METTL15: variants seen among roughly 807,000 people sequenced by gnomAD.
The protein encoded by METTL15 is 12S rRNA N(4)-cytidine methyltransferase METTL15.
A neutral mutation model predicts 38.3 loss-of-function variants in METTL15; 34 were observed. That is an observed-to-expected ratio of 0.89 (90% CI 0.68 to 1.18). The LOEUF (loss-of-function observed/expected upper bound fraction) is 1.18, where lower values mean the gene tolerates loss of function less well. METTL15 is among the 50% of genes most tolerant of loss of function. METTL15 has a pLI of 0.00. For synonymous variants in METTL15, 162 were observed against 170.9 expected (o/e 0.95, Z 0.41); for missense variants, 438 against 498.4 (o/e 0.88, Z 1.15).
At chr11:28,247,076 G>T (rs542220105) in intron 4 of METTL15, among the ~76,000 whole-genome samples, 2 of 151,960 alleles carry the variant, frequency 1.3e-5, no homozygotes, top group African/African-American at 4.8e-5. Flanking sequence ...ATTTCTATAT[G>T]CTATATACTA....
At chr11:28,221,560 T>C (rs973540193) in intron 4 of METTL15, among the ~76,000 whole-genome samples, 2 of 152,210 alleles carry the variant, frequency 1.3e-5, no homozygotes, top group Admixed American at 6.5e-5. Flanking sequence ...TTCTCTCAAC[T>C]TGTCAAAGTC....
chr11:28,204,348 C>T (rs551851579), intron 3 of METTL15, among the ~76,000 whole-genome samples: 20 of 150,026 alleles, frequency 1.3e-4, no homozygotes, highest in Non-Finnish European at 2.1e-4. Flanking sequence ...TTAGTGTTGG[C>T]GAGACCTAGT....
intron 4 of METTL15, among the ~76,000 whole-genome samples, chr11:28,249,459 A>G (rs1238629932): frequency 6.6e-6 from 1 of 152,008 alleles, no homozygotes; most frequent in Non-Finnish European, 1.5e-5. Context: ...CTATATTATA[A>G]TATGTAAATA....
At chr11:28,510,105 T>C (rs1590399031) in intron 6 of METTL15, among the ~76,000 whole-genome samples, 1 of 152,188 alleles carries the variant, frequency 6.6e-6, no homozygotes, top group Non-Finnish European at 1.5e-5. Flanking sequence ...GTTAAGCCCA[T>C]TGAAACCTGG....
At chr11:28,178,756 TA>T (rs1565145816) in intron 3 of METTL15, among the ~76,000 whole-genome samples, 2 of 151,858 alleles carry the variant, frequency 1.3e-5, no homozygotes, top group Non-Finnish European at 2.9e-5. Flanking sequence ...TTATTTACAT[TA>T]ATACTTTCAA....
chr11:28,415,744 G>C (rs1850767247), intron 5 of METTL15, among the ~76,000 whole-genome samples: 1 of 152,162 alleles, frequency 6.6e-6, no homozygotes, highest in Non-Finnish European at 1.5e-5. Context: ...ATAGACTTAG[G>C]TATAAGAAAA....
intron 5 of METTL15, among the ~76,000 whole-genome samples, chr11:28,411,162 T>C (rs751704604): frequency 6.6e-6 from 1 of 151,968 alleles, no homozygotes; most frequent in Non-Finnish European, 1.5e-5. Flanking sequence ...TGTTAATATA[T>C]TCATACTACC....
At chr11:28,372,605 A>T (rs995455723) in intron 5 of METTL15, among the ~76,000 whole-genome samples, 3 of 151,158 alleles carry the variant, frequency 2.0e-5, no homozygotes, top group Non-Finnish European at 3.0e-5. Flanking sequence ...AGACCACATT[A>T]TTCTTTTTTT....
At chr11:28,367,732 T>C (rs1031860939) in intron 5 of METTL15, among the ~76,000 whole-genome samples, 1 of 152,074 alleles carries the variant, frequency 6.6e-6, no homozygotes, top group African/African-American at 2.4e-5. Context: ...AATAGCATGG[T>C]ACTGGTACCA....
intron 5 of METTL15, among the ~76,000 whole-genome samples, chr11:28,376,622 G>A (rs1164269193): frequency 1.3e-5 from 2 of 152,132 alleles, no homozygotes; most frequent in Non-Finnish European, 2.9e-5. Context: ...CAATTTGCCA[G>A]TCTGTGTCTT....
chr11:28,270,163 T>C (rs985507404), intron 4 of METTL15, among the ~76,000 whole-genome samples: 21 of 152,198 alleles, frequency 1.4e-4, no homozygotes, highest in Non-Finnish European at 2.9e-4. Context: ...CTTTGGAAAA[T>C]TCAAATTTTT....
intron 4 of METTL15, among the ~76,000 whole-genome samples, chr11:28,289,788 C>G (rs1035125141): frequency 1.3e-5 from 2 of 152,048 alleles, no homozygotes; most frequent in Non-Finnish European, 2.9e-5. Context: ...TATTTGACAT[C>G]TTTTTTATGA....
intron 6 of METTL15, among the ~76,000 whole-genome samples, chr11:28,492,967 T>C (rs1369627153): frequency 6.6e-6 from 1 of 152,156 alleles, no homozygotes; most frequent in African/African-American, 2.4e-5. Context: ...TCCTGATTTT[T>C]AATCCCATAA....
chr11:28,254,345 C>T (rs776516172), intron 4 of METTL15, among the ~76,000 whole-genome samples: 40 of 152,054 alleles, frequency 2.6e-4, no homozygotes, highest in Non-Finnish European at 5.0e-4. Context: ...TTTTTTCCCC[C>T]ATGAGTTATT....
intron 6 of METTL15, among the ~76,000 whole-genome samples, chr11:28,488,972 T>A (rs944594976): frequency 1.3e-5 from 2 of 152,154 alleles, no homozygotes; most frequent in African/African-American, 4.8e-5. Context: ...AACTATGTGT[T>A]ATGGCTACAA....
At chr11:28,476,063 C>G (rs1047376265) in intron 6 of METTL15, among the ~76,000 whole-genome samples, 1 of 152,178 alleles carries the variant, frequency 6.6e-6, no homozygotes, top group Non-Finnish European at 1.5e-5. Context: ...TCCGCAGAAC[C>G]AGGCTTGCTA....
At position 28,204,256 on chromosome 11, in the gene METTL15, C is replaced by T. The variant is rs190482929; in HGVS notation, c.271-6806C>T. 3.3e-5 allele frequency among the ~76,000 whole-genome samples: 5 copies of T among 151,864 alleles called. No individual in the cohort carries two copies. The South Asian group carries it at 6.2e-4, about 19-fold the overall frequency. On this transcript the variant is annotated intron_variant, in intron 3 of 6. Coordinates refer to ENST00000407364, the MANE Select transcript of METTL15 (RefSeq NM_001113528.2). ...ATTCACTTTCATTTTGATTCTGAAC[C>T]CCAATTATGTCTTACATTTTTTGTT...
chr11:28,369,653 A>G (rs1850223421), intron 5 of METTL15, among the ~76,000 whole-genome samples: 1 of 152,170 alleles, frequency 6.6e-6, no homozygotes, highest in South Asian at 2.1e-4. Flanking sequence ...CTGAAAGAAA[A>G]CAACCTGCCA....
intron 5 of METTL15, among the ~76,000 whole-genome samples, chr11:28,376,929 G>C (rs1470228477): frequency 7.6e-6 from 1 of 131,900 alleles, no homozygotes; most frequent in Non-Finnish European, 1.7e-5. Context: ...AGCTTAGTTT[G>C]GCTGGATATG....
Sources: gnomAD v4.1 joint callset for allele counts (sites outside exome capture counted in the v4.1 genomes callset) on GRCh38, gnomAD v4.1.1 for gene constraint, MANE v1.5 for transcripts, NCBI Gene and HGNC (gene_info 2026-07-23, HGNC 2026-07-21) for gene names.